Variants in TMTC2 observed in about 807,000 individuals in gnomAD.
TMTC2 encodes transmembrane O-mannosyltransferase targeting cadherins 2, also known as protein O-mannosyl-transferase TMTC2.
Under a neutral mutation model 82.4 loss-of-function variants are expected in TMTC2, and 43 were observed. The ratio of observed to expected loss-of-function variants is 0.52; its 90% CI spans 0.41 to 0.67. The LOEUF is 0.67. Ranked by LOEUF, TMTC2 falls within the 30% of genes least tolerant of loss-of-function variation. TMTC2 has a pLI of 0.00. For missense variants in TMTC2, 919 were observed against 1,012.4 expected (o/e 0.91, Z 1.25); for synonymous variants, 408 against 381.9 (o/e 1.07, Z -0.80).
chr12:82,813,355 C>T (rs1868510819), intron 1 of TMTC2, among the ~76,000 whole-genome samples: 2 of 152,060 alleles, frequency 1.3e-5, no homozygotes, highest in Non-Finnish European at 2.9e-5. Context: ...CAGAAGTGAT[C>T]TACTCTCTTT....
At chr12:83,023,734 T>A (rs1881040709) in intron 8 of TMTC2, among the ~76,000 whole-genome samples, 1 of 152,234 alleles carries the variant, frequency 6.6e-6, no homozygotes, top group East Asian at 1.9e-4. Flanking sequence ...CTATTCTGGA[T>A]GTTGTCCTTG....
intron 3 of TMTC2, among the ~76,000 whole-genome samples, chr12:82,919,253 T>C (rs2137225144): frequency 6.6e-6 from 1 of 152,324 alleles, no homozygotes; most frequent in African/African-American, 2.4e-5. Flanking sequence ...TAGTGAAAAC[T>C]GACCCACTCA....
chr12:82,725,462 T>A (rs2136931883), intron 1 of TMTC2, among the ~76,000 whole-genome samples: 1 of 152,352 alleles, frequency 6.6e-6, no homozygotes, highest in East Asian at 1.9e-4. Flanking sequence ...AAGATTCTTA[T>A]TTCCATTAAT....
rs139605822 is a variant in TMTC2 at position 82,897,918 on chromosome 12, A to G, written c.1483+1272A>G. ...ACAATTCTATATCAGGATTAAAAGA[A>G]GGTGTAAAACTGTTCCAGAATATGA... On this transcript the variant is annotated intron_variant, in intron 3 of 11. Coordinates refer to ENST00000321196, the MANE Select transcript of TMTC2 (RefSeq NM_152588.3). Among the ~76,000 whole-genome samples, 338 of 152,094 alleles carry G rather than the reference A, an allele frequency of 2.2e-3. 2 individuals are homozygous for G. The highest frequency in any genetic ancestry group is 7.7e-3 in the African/African-American group (321 of 41,464).
intron 1 of TMTC2, among the ~76,000 whole-genome samples, chr12:82,738,308 T>G (rs912779858): frequency 2.6e-5 from 4 of 152,202 alleles, no homozygotes; most frequent in Non-Finnish European, 4.4e-5. Context: ...CATGGAGGAT[T>G]GATTTTTATC....
chr12:83,014,089 G>A (rs1880570201), intron 8 of TMTC2, among the ~76,000 whole-genome samples: 2 of 152,144 alleles, frequency 1.3e-5, no homozygotes, highest in Non-Finnish European at 2.9e-5. Flanking sequence ...GTGACAATTT[G>A]GTTGATAATG....
intron 7 of TMTC2, among the ~76,000 whole-genome samples, chr12:82,975,259 T>C (rs34504450): frequency 1.3e-5 from 2 of 152,204 alleles, no homozygotes; most frequent in African/African-American, 2.4e-5. Flanking sequence ...TATTTTGCTG[T>C]GTACTCAAGT....
chr12:83,019,593 T>C (rs2137400978), intron 8 of TMTC2, among the ~76,000 whole-genome samples: 1 of 152,286 alleles, frequency 6.6e-6, no homozygotes, highest in East Asian at 1.9e-4. Context: ...CTTATAATCC[T>C]ACCCACTAAA....
chr12:83,134,187 C>A lies in TMTC2; in HGVS notation c.*1798C>A, dbSNP rs556092532. 6.6e-6 allele frequency: 1 copy of A among 152,298 alleles called. No homozygotes were observed. The highest frequency in any genetic ancestry group is 2.4e-5 in the African/African-American group (1 of 41,420). The allele number at this position is 152,298 out of a possible 1,614,324, so 9.4% of individuals were successfully genotyped here. A position where few individuals can be genotyped will look rare whatever the true frequency, so the allele number is the denominator to read the frequency against. Reference sequence around the variant, plus strand: ...TGAAGGGCCAAAAGTTAAATTATAACTAAATCACTGTGTTTTCAGAATGAT... The same window carrying A: ...TGAAGGGCCAAAAGTTAAATTATAAATAAATCACTGTGTTTTCAGAATGAT... On this transcript the variant is annotated 3_prime_UTR_variant, in exon 12 of 12. Transcript: ENST00000321196.
chr12:83,071,782 T>G (rs1401418353), intron 11 of TMTC2, among the ~76,000 whole-genome samples: 1 of 152,156 alleles, frequency 6.6e-6, no homozygotes, highest in South Asian at 2.1e-4. Context: ...GTTTTCTAAT[T>G]TATATGTGTC....
At chr12:83,000,992 T>C (rs966252776) in intron 8 of TMTC2, among the ~76,000 whole-genome samples, 3 of 152,038 alleles carry the variant, frequency 2.0e-5, no homozygotes, top group African/African-American at 7.2e-5. Context: ...GGATAGGACA[T>C]AGGACACCAA....
intron 1 of TMTC2, among the ~76,000 whole-genome samples, chr12:82,749,739 C>CTTTT (rs71068950): frequency 7.1e-5 from 9 of 127,156 alleles, no homozygotes; most frequent in Non-Finnish European, 9.5e-5. Flanking sequence ...TTCTTTCTTT[C>CTTTT]TTTTTTTTTT....
chr12:83,113,815 A>T (rs978553486), intron 11 of TMTC2, among the ~76,000 whole-genome samples: 7 of 152,236 alleles, frequency 4.6e-5, no homozygotes, highest in African/African-American at 1.7e-4. Context: ...CCCTGGAAAG[A>T]TTATAGTTTC....
At chr12:82,731,051 G>A (rs1289487471) in intron 1 of TMTC2, among the ~76,000 whole-genome samples, 2 of 152,318 alleles carry the variant, frequency 1.3e-5, no homozygotes, top group African/African-American at 2.4e-5. Context: ...ATGTGCACAT[G>A]TGTTTGTAAT....
In TMTC2 at chr12:82,965,729, G is replaced by C. The variant is rs749886981; in HGVS notation, c.1854G>C (p.Glu618Asp). 9 of 1,613,752 alleles carry C rather than the reference G, an allele frequency of 5.6e-6. No individual in the cohort carries two copies. The highest frequency in any genetic ancestry group is 7.6e-6 in the Non-Finnish European group (9 of 1,179,842). Reference sequence around the variant, plus strand: ...ACAACCTAGGAAAGCTGTATCATGAGCAGGGACACTATGAGGTCTGGCCAA... The same window carrying C: ...ACAACCTAGGAAAGCTGTATCATGACCAGGGACACTATGAGGTCTGGCCAA... ...CLYNLGKLYH[E>D]QGHYEEALSV... Residue 618 changes from glutamate to aspartate, a missense_variant, in exon 6 of 12, where the codon GAG (glutamate) becomes GAC (aspartate). Transcript: ENST00000321196.
chr12:83,022,694 TTCTTC>T (rs1880990759), intron 8 of TMTC2, among the ~76,000 whole-genome samples: 1 of 152,282 alleles, frequency 6.6e-6, no homozygotes, highest in Admixed American at 6.5e-5. Flanking sequence ...ACTAGATGTC[TTCTTC>T]TCTTCTCATC....
In TMTC2 at chr12:82,770,705, A is replaced by C. The variant is rs933755161; in HGVS notation, c.83+83036A>C. ...TCTCCCTGTGTTGCCCAGGCCAGAC[A>C]GGAACTTCTGGGCTCAAGTAGTCCT... On this transcript the variant is annotated intron_variant, in intron 1 of 11. Coordinates refer to ENST00000321196, the MANE Select transcript of TMTC2 (RefSeq NM_152588.3). Among the ~76,000 whole-genome samples the C allele has an allele frequency of 2.6e-5, 4 of 152,158 alleles. No homozygotes were observed. The South Asian group carries it at 8.3e-4, about 32-fold the overall frequency.
intron 1 of TMTC2, among the ~76,000 whole-genome samples, chr12:82,799,775 G>A (rs892967351): frequency 1.3e-5 from 2 of 152,102 alleles, no homozygotes; most frequent in African/African-American, 2.4e-5. Flanking sequence ...TTTTTGAGGG[G>A]ACACAATTTA....
Position 82,715,221 on chromosome 12 carries a change from G to T in TMTC2, c.83+27552G>T, listed in dbSNP as rs370417310. Reference sequence around the variant, plus strand: ...AGAGGTGGAGGTTGCAGTGAGCCAAGACGAGATCACGCCACTGCACTCCAG... The same window carrying T: ...AGAGGTGGAGGTTGCAGTGAGCCAATACGAGATCACGCCACTGCACTCCAG... On this transcript the variant is annotated intron_variant, in intron 1 of 11. Coordinates refer to ENST00000321196, the MANE Select transcript of TMTC2 (RefSeq NM_152588.3). 5.1e-4 allele frequency among the ~76,000 whole-genome samples: 77 copies of T among 150,012 alleles called. 1 individual carries two copies. The highest frequency in any genetic ancestry group is 1.8e-3 in the African/African-American group (74 of 40,738).
Sources: gnomAD v4.1 joint callset for allele counts (sites outside exome capture counted in the v4.1 genomes callset) on GRCh38, gnomAD v4.1.1 for gene constraint, MANE v1.5 for transcripts, NCBI Gene and HGNC (gene_info 2026-07-23, HGNC 2026-07-21) for gene names.